The following AGBL4 variants were observed in gnomAD, a reference collection of about 807,000 sequenced individuals.
The protein encoded by AGBL4 is AGBL carboxypeptidase 4, also known as cytosolic carboxypeptidase 6.
AGBL4 carries 58 observed loss-of-function variants against 66.4 expected under a neutral mutation model. The ratio of observed to expected loss-of-function variants is 0.87; its 90% CI spans 0.71 to 1.09. AGBL4 has a LOEUF of 1.09. Among genes scored for constraint, AGBL4 ranks in the 50% least tolerant of loss-of-function variants. AGBL4 has a pLI of 0.00. For missense variants in AGBL4, 579 were observed against 631.0 expected (o/e 0.92, Z 0.88); for synonymous variants, 234 against 222.9 (o/e 1.05, Z -0.44).
chr1:49,121,221 G>A (rs1645646908), intron 4 of AGBL4, among the ~76,000 whole-genome samples: 1 of 152,158 alleles, frequency 6.6e-6, no homozygotes, highest in Admixed American at 6.5e-5. Context: ...ACTCATCAAA[G>A]TCATTCTCCA....
At position 49,920,567 on chromosome 1, in the gene AGBL4, C is replaced by T. The variant is rs536221128; in HGVS notation, c.35-69049G>A. On this transcript the variant is annotated intron_variant, in intron 1 of 13. Coordinates refer to ENST00000371839, the MANE Select transcript of AGBL4 (RefSeq NM_032785.4). ...TACCATCTCACACCAGTTAGAATGG[C>T]GATCATTAAAAAGTCAGGAAACAAC... Among the ~76,000 whole-genome samples the T allele has an allele frequency of 3.7e-4, 56 of 151,904 alleles. 1 individual carries two copies. Among genetic ancestry groups the T allele is most frequent in the South Asian group, 2.1e-4 (1 of 4,792 alleles).
chr1:49,974,553 T>C (rs1489056821), intron 1 of AGBL4, among the ~76,000 whole-genome samples: 1 of 152,156 alleles, frequency 6.6e-6, no homozygotes, highest in Non-Finnish European at 1.5e-5. Context: ...TTTTTAAAAA[T>C]CAAAGTATTA....
chr1:49,053,705 A>G (rs74850873), intron 4 of AGBL4, among the ~76,000 whole-genome samples: 5 of 152,108 alleles, frequency 3.3e-5, no homozygotes, highest in Non-Finnish European at 7.4e-5. Context: ...TCTTAAAAAA[A>G]TTTTTTGTCT....
chr1:49,769,707 G>C (rs2147880134), intron 2 of AGBL4, among the ~76,000 whole-genome samples: 1 of 152,172 alleles, frequency 6.6e-6, no homozygotes, highest in East Asian at 1.9e-4. Context: ...AAAAACGATG[G>C]GGACAGGACT....
intron 4 of AGBL4, among the ~76,000 whole-genome samples, chr1:49,207,602 C>CTTTCTTTCT (rs757148627): frequency 5.3e-4 from 44 of 83,648 alleles, no homozygotes; most frequent in African/African-American, 1.5e-3. Flanking sequence ...TTCTTTCTTT[C>CTTTCTTTCT]TTCTTTTTAT....
intron 11 of AGBL4, among the ~76,000 whole-genome samples, chr1:48,541,377 T>G (rs1221827309): frequency 1.3e-5 from 2 of 152,240 alleles, no homozygotes; most frequent in African/African-American, 4.8e-5. Flanking sequence ...CCTTCTAGCC[T>G]GCAAGCTCTA....
intron 3 of AGBL4, among the ~76,000 whole-genome samples, chr1:49,264,475 T>C (rs904044181): frequency 2.0e-5 from 3 of 152,170 alleles, no homozygotes; most frequent in Admixed American, 1.3e-4. Context: ...AATTTTTATA[T>C]GTTTGGGTTT....
chr1:48,859,789 T>C (rs1647323100), intron 6 of AGBL4, among the ~76,000 whole-genome samples: 1 of 152,234 alleles, frequency 6.6e-6, no homozygotes, highest in South Asian at 2.1e-4. Flanking sequence ...TAATTCTTAT[T>C]CTAGGAATTT....
At chr1:48,696,383 A>C (rs1335266645) in intron 6 of AGBL4, among the ~76,000 whole-genome samples, 1 of 152,222 alleles carries the variant, frequency 6.6e-6, no homozygotes, top group Non-Finnish European at 1.5e-5. Flanking sequence ...AGGTGGCTCT[A>C]GGACCTGGAA....
chr1:48,980,983 T>C (rs1181000577), intron 5 of AGBL4, among the ~76,000 whole-genome samples: 1 of 151,994 alleles, frequency 6.6e-6, no homozygotes, highest in African/African-American at 2.4e-5. Context: ...AGGCTGAGAT[T>C]AAATCTGACC....
At chr1:49,746,624 A>G (rs1651007651) in intron 2 of AGBL4, among the ~76,000 whole-genome samples, 1 of 152,114 alleles carries the variant, frequency 6.6e-6, no homozygotes, top group African/African-American at 2.4e-5. Flanking sequence ...TAAAAGAATC[A>G]GATCTTTGAT....
intron 3 of AGBL4, among the ~76,000 whole-genome samples, chr1:49,622,249 A>C (rs1645374616): frequency 6.6e-6 from 1 of 152,206 alleles, no homozygotes; most frequent in Admixed American, 6.5e-5. Flanking sequence ...AGCATCAAAA[A>C]GACCTTGGCT....
intron 3 of AGBL4, among the ~76,000 whole-genome samples, chr1:49,495,311 T>G (rs1647440605): frequency 6.6e-6 from 1 of 152,228 alleles, no homozygotes; most frequent in Non-Finnish European, 1.5e-5. Context: ...GCCCTGAATG[T>G]GGCCCAATAC....
At chr1:48,573,090 G>T (rs754101367) in intron 11 of AGBL4, among the ~76,000 whole-genome samples, 1 of 152,194 alleles carries the variant, frequency 6.6e-6, no homozygotes, top group Non-Finnish European at 1.5e-5. Flanking sequence ...TCTAGGCCCT[G>T]CCCCTGCCCC....
chr1:49,537,802 C>T lies in AGBL4; in HGVS notation c.282+159511G>A, dbSNP rs143369366. 6.6e-3 allele frequency among the ~76,000 whole-genome samples: 998 copies of T among 152,230 alleles called. 10 individuals are homozygous for T. Among genetic ancestry groups the T allele is most frequent in the African/African-American group, 0.023 (945 of 41,538 alleles). ...ATTAGCCAGGCATGGTGGTGGGTGC[C>T]TGTAGTCCCAGCTACTCGGTAGGCT... On this transcript the variant is annotated intron_variant, in intron 3 of 13. Coordinates refer to ENST00000371839, the MANE Select transcript of AGBL4 (RefSeq NM_032785.4).
intron 4 of AGBL4, among the ~76,000 whole-genome samples, chr1:49,107,260 T>A (rs950905658): frequency 6.6e-6 from 1 of 152,202 alleles, no homozygotes; most frequent in African/African-American, 2.4e-5. Context: ...AACTTTAGTA[T>A]AAAATAGGCT....
intron 1 of AGBL4, among the ~76,000 whole-genome samples, chr1:49,907,037 A>T (rs1650345647): frequency 1.3e-5 from 2 of 152,136 alleles, no homozygotes; most frequent in African/African-American, 4.8e-5. Flanking sequence ...TTTCAGCAAA[A>T]GCCTTTCTGC....
chr1:49,759,294 T>TTTTCTTCACTAA (rs1421223398), intron 2 of AGBL4, among the ~76,000 whole-genome samples: 1 of 152,138 alleles, frequency 6.6e-6, no homozygotes, highest in East Asian at 1.9e-4. Context: ...CTAAAACCAG[T>TTTTCTTCACTAA]AGCCCCTGTA....
intron 3 of AGBL4, among the ~76,000 whole-genome samples, chr1:49,569,906 G>T (rs1173764883): frequency 1.6e-4 from 24 of 152,076 alleles, no homozygotes. Context: ...TGCAGCAAAA[G>T]ACATGATTTC....
Sources: allele counts gnomAD v4.1 joint callset (sites outside exome capture counted in the v4.1 genomes callset), GRCh38; gene constraint gnomAD v4.1.1; transcripts MANE v1.5; gene names NCBI Gene and HGNC (gene_info 2026-07-23, HGNC 2026-07-21).